The following CNTNAP2 variants were observed in gnomAD, a reference collection of about 807,000 sequenced individuals.
CNTNAP2 encodes the protein contactin associated protein 2, also known as contactin-associated protein-like 2.
A neutral mutation model predicts 155.2 loss-of-function variants in CNTNAP2; 98 were observed. The observed-to-expected ratio is 0.63, with a 90% CI of 0.54 to 0.75. The LOEUF (loss-of-function observed/expected upper bound fraction) is 0.75. Among genes scored for constraint, CNTNAP2 ranks in the 30% least tolerant of loss-of-function variants. The pLI is 0.00. For synonymous variants in CNTNAP2, 651 were observed against 631.2 expected, an observed-to-expected ratio of 1.03 and a Z score of -0.47; for missense variants, 1,727 against 1,688.1, an observed-to-expected ratio of 1.02 and a Z score of -0.40.
intron 9 of CNTNAP2, among the ~76,000 whole-genome samples, chr7:147,380,897 C>G (rs1378610898): frequency 6.6e-6 from 1 of 151,996 alleles, no homozygotes; most frequent in Non-Finnish European, 1.5e-5. Flanking sequence ...AATAGCAGAG[C>G]CATCCCCCAT....
intron 18 of CNTNAP2, among the ~76,000 whole-genome samples, chr7:148,180,303 C>T (rs922419984): frequency 6.6e-6 from 1 of 152,116 alleles, no homozygotes; most frequent in Non-Finnish European, 1.5e-5. Context: ...AGAATAGAAC[C>T]CTTTTTTTTT....
chr7:147,575,115 G>GCA (rs1800364191), intron 12 of CNTNAP2, among the ~76,000 whole-genome samples: 2 of 141,552 alleles, frequency 1.4e-5, no homozygotes, highest in Non-Finnish European at 3.0e-5. Context: ...AAATGTGTGT[G>GCA]TGTGTGTGTG....
At chr7:147,935,887 T>A (rs1253484355) in intron 14 of CNTNAP2, among the ~76,000 whole-genome samples, 1 of 152,254 alleles carries the variant, frequency 6.6e-6, no homozygotes, top group Non-Finnish European at 1.5e-5. Flanking sequence ...CTGGAAATAA[T>A]GTATGCATTG....
intron 11 of CNTNAP2, among the ~76,000 whole-genome samples, chr7:147,511,819 T>C (rs901395204): frequency 6.6e-6 from 1 of 152,166 alleles, no homozygotes; most frequent in African/African-American, 2.4e-5. Context: ...TCTGGGCTGA[T>C]TGTCCCTAAA....
intron 9 of CNTNAP2, among the ~76,000 whole-genome samples, chr7:147,380,726 A>G (rs1214523806): frequency 1.3e-5 from 2 of 152,178 alleles, no homozygotes; most frequent in Admixed American, 1.3e-4. Flanking sequence ...TTAACAGAAT[A>G]CCAAAATATA....
intron 18 of CNTNAP2, among the ~76,000 whole-genome samples, chr7:148,216,738 G>T (rs1309541997): frequency 6.6e-6 from 1 of 151,986 alleles, no homozygotes; most frequent in Non-Finnish European, 1.5e-5. Context: ...GATATGGTTT[G>T]GCTCTGTCCC....
chr7:148,012,558 A>C (rs57055307), intron 15 of CNTNAP2, among the ~76,000 whole-genome samples: 1,693 of 151,294 alleles, frequency 0.011, 36 homozygotes, highest in African/African-American at 0.039. Flanking sequence ...TCTCATGTTA[A>C]GTGTTTTTAC....
intron 1 of CNTNAP2, among the ~76,000 whole-genome samples, chr7:146,760,498 C>T (rs568658010): frequency 3.1e-4 from 40 of 127,966 alleles, no homozygotes; most frequent in African/African-American, 1.2e-3. Context: ...AATCTCGACT[C>T]ATTACAACAT....
chr7:147,462,452 C>T (rs1798041369), intron 10 of CNTNAP2, among the ~76,000 whole-genome samples: 1 of 152,196 alleles, frequency 6.6e-6, no homozygotes, highest in South Asian at 2.1e-4. Context: ...ATTTCATTTT[C>T]CAGCCCCTAT....
chr7:146,748,570 G>C (rs113963449), intron 1 of CNTNAP2, among the ~76,000 whole-genome samples: 2 of 152,128 alleles, frequency 1.3e-5, no homozygotes, highest in South Asian at 4.1e-4. Flanking sequence ...AAAGTTGAAA[G>C]TTCACTAGTT....
At position 146,462,470 on chromosome 7, in the gene CNTNAP2, A is replaced by G. The variant is rs182373983; in HGVS notation, c.98-311801A>G. On this transcript the variant is annotated intron_variant, in intron 1 of 23. Coordinates refer to ENST00000361727, the MANE Select transcript of CNTNAP2 (RefSeq NM_014141.6). ...AAGGGAAGTTGATTATTATCCAGAC[A>G]CTGTCTTCCCTTCTGACCTTGGTGT... Among the ~76,000 whole-genome samples, 357 of 152,224 alleles carry G rather than the reference A, an allele frequency of 2.3e-3. 6 individuals are homozygous for G. Among genetic ancestry groups the G allele is most frequent in the Non-Finnish European group, 1.0e-3 (68 of 68,016 alleles).
At chr7:147,696,683 C>A (rs1223434660) in intron 13 of CNTNAP2, among the ~76,000 whole-genome samples, 1 of 151,976 alleles carries the variant, frequency 6.6e-6, no homozygotes. Flanking sequence ...TTTTGCAAGT[C>A]AGATCTACTG....
intron 14 of CNTNAP2, among the ~76,000 whole-genome samples, chr7:147,929,621 C>T (rs1337864872): frequency 6.6e-6 from 1 of 152,124 alleles, no homozygotes; most frequent in Non-Finnish European, 1.5e-5. Context: ...TACTAGAATT[C>T]ATCCTGTAAG....
chr7:148,200,912 A>G (rs1004319007), intron 18 of CNTNAP2, among the ~76,000 whole-genome samples: 12 of 152,182 alleles, frequency 7.9e-5, no homozygotes, highest in Admixed American at 7.2e-4. Context: ...ATAGTCCTTA[A>G]TGCTCCATAA....
intron 9 of CNTNAP2, among the ~76,000 whole-genome samples, chr7:147,349,062 G>A (rs541698352): frequency 1.7e-4 from 26 of 152,014 alleles, no homozygotes; most frequent in African/African-American, 5.8e-4. Flanking sequence ...GTAAATTCTG[G>A]TGTTGTATAC....
intron 9 of CNTNAP2, among the ~76,000 whole-genome samples, chr7:147,310,332 T>C (rs1359002236): frequency 6.6e-6 from 1 of 152,196 alleles, no homozygotes; most frequent in Non-Finnish European, 1.5e-5. Flanking sequence ...AGAATTGGCT[T>C]AACCCTGCGG....
chr7:147,752,641 A>G (rs1412672585), intron 13 of CNTNAP2, among the ~76,000 whole-genome samples: 2 of 152,172 alleles, frequency 1.3e-5, no homozygotes, highest in African/African-American at 4.8e-5. Context: ...AGATATTTGA[A>G]GTTGTGGCAG....
At position 146,352,893 on chromosome 7, in the gene CNTNAP2, T is replaced by C. The variant is rs1028389172; in HGVS notation, c.97+235920T>C. ...CCTCAGCCTCCCTAGTCGCTAGGACTACAGGCACCCGCCACCACGCCCGGC... is the reference window on the plus strand; with the variant it reads ...CCTCAGCCTCCCTAGTCGCTAGGACCACAGGCACCCGCCACCACGCCCGGC... On this transcript the variant is annotated intron_variant, in intron 1 of 23. Transcript: ENST00000361727. 2.5e-3 allele frequency among the ~76,000 whole-genome samples: 371 copies of C among 151,086 alleles called. 1 individual carries two copies. Among genetic ancestry groups the C allele is most frequent in the African/African-American group, 8.7e-3 (358 of 40,936 alleles).
At chr7:148,269,441 C>A (rs1222796076) in intron 21 of CNTNAP2, among the ~76,000 whole-genome samples, 2 of 152,112 alleles carry the variant, frequency 1.3e-5, no homozygotes, top group African/African-American at 4.8e-5. Context: ...GTTCTGTGAA[C>A]AAGAAGAGAC....
Sources: allele counts gnomAD v4.1 joint callset (sites outside exome capture counted in the v4.1 genomes callset), GRCh38; gene constraint gnomAD v4.1.1; transcripts MANE v1.5; gene names NCBI Gene and HGNC (gene_info 2026-07-23, HGNC 2026-07-21).